The following ODF2L variants were observed in gnomAD, a reference collection of about 807,000 sequenced individuals.
The protein encoded by ODF2L is outer dense fiber of sperm tails 2 like.
A neutral mutation model predicts 86.3 loss-of-function variants in ODF2L; 76 were observed. The ratio of observed to expected loss-of-function variants is 0.88; its 90% CI spans 0.73 to 1.07. The LOEUF (loss-of-function observed/expected upper bound fraction) is 1.07. Among genes scored for constraint, ODF2L ranks in the 50% least tolerant of loss-of-function variants. The pLI is 0.00. For synonymous variants in ODF2L, 241 were observed against 231.3 expected, an observed-to-expected ratio of 1.04 and a Z score of -0.38; for missense variants, 748 against 717.4, an observed-to-expected ratio of 1.04 and a Z score of -0.49.
chr1:86,370,477 A>G (rs1659716318), intron 10 of ODF2L, among the ~76,000 whole-genome samples: 1 of 152,136 alleles, frequency 6.6e-6, no homozygotes, highest in Admixed American at 6.6e-5. Context: ...CTCTAAAAGT[A>G]TTATTATGGA....
At chr1:86,348,807 C>A, downstream of ODF2L, 1 of 1,555,054 alleles carries the variant, frequency 6.4e-7, no homozygotes. Context: ...TCTTAATACT[C>A]TCATTTTGAT....
intron 1 of ODF2L, among the ~76,000 whole-genome samples, chr1:86,390,907 A>C (rs761237085): frequency 5.9e-5 from 9 of 152,206 alleles, no homozygotes; most frequent in Admixed American, 3.9e-4. Flanking sequence ...CTGTTTGCTG[A>C]TGGTATGATT....
chr1:86,347,347 C>G (rs1570328078), downstream of ODF2L: 1 of 152,156 alleles, frequency 6.6e-6, no homozygotes, highest in Non-Finnish European at 1.5e-5. Flanking sequence ...GAGTAAAACT[C>G]AAGAGCTTTG....
At chr1:86,366,298 A>T (rs1659411055) in intron 11 of ODF2L, among the ~76,000 whole-genome samples, 1 of 151,630 alleles carries the variant, frequency 6.6e-6, no homozygotes, top group Non-Finnish European at 1.5e-5. Flanking sequence ...TCACACCTGT[A>T]ATCCCAGTAC....
chr1:86,349,893 G>A (rs1255068320), downstream of ODF2L: 1 of 153,066 alleles, frequency 6.5e-6, no homozygotes, highest in Non-Finnish European at 1.4e-5. Flanking sequence ...GAGACACCAG[G>A]GATACAGACG....
intron 7 of ODF2L, among the ~76,000 whole-genome samples, chr1:86,378,371 T>C (rs1446185135): frequency 6.6e-6 from 1 of 152,236 alleles, no homozygotes; most frequent in Admixed American, 6.5e-5. Context: ...CACATCTTCC[T>C]GTCTTCTTCT....
intron 1 of ODF2L, among the ~76,000 whole-genome samples, chr1:86,393,976 T>C (rs183188162): frequency 4.7e-4 from 72 of 152,276 alleles, no homozygotes; most frequent in African/African-American, 1.6e-3. Context: ...GTTCAGAATA[T>C]TGTCTAATCC....
At chr1:86,369,477 C>T (rs751649522) in intron 10 of ODF2L, among the ~76,000 whole-genome samples, 9 of 152,134 alleles carry the variant, frequency 5.9e-5, no homozygotes, top group Non-Finnish European at 7.4e-5. Context: ...TCAAGTCCTG[C>T]ATTTGAAACC....
rs779255181 is a variant in ODF2L, at chr1:86,382,986, AC to A, written c.451del (p.Val151TyrfsTer23). 1.3e-6 allele frequency: 2 copies of A among 1,545,762 alleles called. No individual in the cohort carries two copies. The highest frequency in any genetic ancestry group is 4.5e-5 in the East Asian group (2 of 44,384). On this transcript the variant is annotated frameshift_variant, in exon 6 of 18. Transcript: ENST00000317336. LOFTEE classifies it high-confidence loss of function. ...TTGGATATGGGCCTCCTTTTCAAAT[AC>A]CTTCTTCTTAAGATTCTTGAGCAAA...
intron 1 of ODF2L, among the ~76,000 whole-genome samples, chr1:86,390,571 A>G (rs1661253844): frequency 2.0e-5 from 3 of 152,244 alleles, no homozygotes; most frequent in Admixed American, 2.0e-4. Context: ...AACAGAATTA[A>G]AAACAAAAAT....
intron 7 of ODF2L, among the ~76,000 whole-genome samples, chr1:86,379,360 T>A (rs1355926559): frequency 6.6e-6 from 1 of 152,214 alleles, no homozygotes; most frequent in African/African-American, 2.4e-5. Context: ...ATCAAACTAA[T>A]GCTACCATTA....
rs753729435 is a variant in ODF2L, at chr1:86,354,878, T to C, written c.1519-19A>G. ...CATCAACCTAAAAGAAAAAAAAAAG[T>C]TTTCTTAGTCATTTTCTTCACAATC... On this transcript the variant is annotated intron_variant, in intron 14 of 17. Transcript: ENST00000317336. 2.9e-5 allele frequency: 40 copies of C among 1,391,192 alleles called. No individual in the cohort carries two copies. Among genetic ancestry groups the C allele is most frequent in the Middle Eastern group, 4.6e-4 (2 of 4,338 alleles). 86.2% of individuals were successfully genotyped at this position (1,391,192 alleles called of 1,614,324 possible).
intron 14 of ODF2L, among the ~76,000 whole-genome samples, chr1:86,355,622 A>G (rs1658492000): frequency 6.6e-6 from 1 of 152,142 alleles, no homozygotes; most frequent in Admixed American, 6.6e-5. Context: ...AGATTATTTC[A>G]TCAATCAAGT....
downstream of ODF2L, chr1:86,348,474 CTA>C (rs1302234817): frequency 1.2e-5 from 2 of 172,458 alleles, no homozygotes; most frequent in African/African-American, 4.8e-5. Context: ...ACTTCCATGT[CTA>C]TGTGTGAGAA....
intron 16 of ODF2L, among the ~76,000 whole-genome samples, 159 bp from the exon 16 acceptor site, chr1:86,353,143 T>C (rs1378357968): frequency 2.0e-5 from 3 of 152,208 alleles, no homozygotes; most frequent in South Asian, 4.1e-4. Flanking sequence ...ATAGCGTAAG[T>C]ATATACTATA....
exon 8 of ODF2L, chr1:86,376,339 C>T (rs757434729): frequency 4.3e-6 from 7 of 1,612,126 alleles, no homozygotes; most frequent in African/African-American, 1.3e-5. Flanking sequence ...TTTTTGCCTA[C>T]TTGCTTCTTT....
At chr1:86,364,248 G>C (rs781033310) in intron 11 of ODF2L, among the ~76,000 whole-genome samples, 1 of 152,056 alleles carries the variant, frequency 6.6e-6, no homozygotes, top group Non-Finnish European at 1.5e-5. Context: ...TTTCCAAATA[G>C]AGCAATTTAA....
exon 18 of ODF2L, chr1:86,352,058 G>C (rs373569147): frequency 4.5e-6 from 6 of 1,330,642 alleles, no homozygotes; most frequent in Non-Finnish European, 4.8e-6. Context: ...GGTGATCGAC[G>C]TTTTGTTCTG....
In ODF2L at chr1:86,371,001, A is replaced by G. The variant is rs1456211479; in HGVS notation, c.1056+17T>C. ...CATTACACAATACATGCCTGCTCAA[A>G]CACTCATACATAGTACCTTTAATTT... is the stretch of plus-strand genomic sequence containing the variant. On this transcript the variant is annotated intron_variant, in intron 10 of 17. Coordinates refer to ENST00000317336, the Ensembl canonical transcript of ODF2L. 1 of 1,510,546 alleles carries G rather than the reference A, an allele frequency of 6.6e-7. No homozygotes were observed. The highest frequency in any genetic ancestry group is 8.9e-7 in the Non-Finnish European group (1 of 1,127,856). The allele number at this position is 1,510,546 out of a possible 1,614,324, so 93.6% of individuals were successfully genotyped here.
Sources: gnomAD v4.1 joint callset for allele counts (sites outside exome capture counted in the v4.1 genomes callset) on GRCh38, gnomAD v4.1.1 for gene constraint, MANE v1.5 for transcripts, NCBI Gene and HGNC (gene_info 2026-07-23, HGNC 2026-07-21) for gene names.